The following SLC24A2 variants were observed in gnomAD, a reference collection of about 807,000 sequenced individuals.
SLC24A2 encodes the protein solute carrier family 24 member 2.
A neutral mutation model predicts 62.0 loss-of-function variants in SLC24A2; 36 were observed. The observed-to-expected ratio is 0.58, with a 90% CI of 0.44 to 0.77. The LOEUF (loss-of-function observed/expected upper bound fraction) is 0.77, where lower values mean the gene tolerates loss of function less well. SLC24A2 is among the 30% of genes least tolerant of loss of function. The pLI is 0.00. For missense variants in SLC24A2, 846 were observed against 817.9 expected (o/e 1.03, Z -0.42); for synonymous variants, 358 against 294.0 (o/e 1.22, Z -2.23).
intron 2 of SLC24A2, among the ~76,000 whole-genome samples, chr9:19,778,128 G>C (rs1344539141): frequency 6.6e-6 from 1 of 152,112 alleles, no homozygotes; most frequent in Non-Finnish European, 1.5e-5. Flanking sequence ...GAAATCTATA[G>C]TCTGAAATTT....
intron 2 of SLC24A2, among the ~76,000 whole-genome samples, chr9:19,755,318 T>C (rs557634781): frequency 6.6e-6 from 1 of 152,320 alleles, no homozygotes; most frequent in South Asian, 2.1e-4. Context: ...ACACTTCTAT[T>C]ATTGCAGTTA....
the SLC24A2 span, among the ~76,000 whole-genome samples, chr9:20,291,613 C>G: frequency 6.6e-6 from 1 of 152,174 alleles, no homozygotes; most frequent in Admixed American, 6.5e-5. Context: ...TATGATGACC[C>G]CCCACCACTT....
the SLC24A2 span, among the ~76,000 whole-genome samples, chr9:20,057,906 C>A: frequency 6.6e-6 from 1 of 152,174 alleles, no homozygotes; most frequent in Non-Finnish European, 1.5e-5. Flanking sequence ...ACTACATCAT[C>A]TGACTGCAGT....
the SLC24A2 span, among the ~76,000 whole-genome samples, chr9:20,045,117 G>A: frequency 0.014 from 2,104 of 152,188 alleles, 46 homozygotes; most frequent in African/African-American, 0.048. Flanking sequence ...TACATGGATC[G>A]TATAGATATA....
At chr9:20,225,041 C>A in the SLC24A2 span, among the ~76,000 whole-genome samples, 2 of 152,136 alleles carry the variant, frequency 1.3e-5, no homozygotes, top group South Asian at 4.1e-4. Flanking sequence ...GAGGAAACCA[C>A]ATCTTTGCTT....
chr9:19,666,623 G>C (rs1819261069), intron 2 of SLC24A2, among the ~76,000 whole-genome samples: 1 of 152,188 alleles, frequency 6.6e-6, no homozygotes. Context: ...CAGCAGTGTA[G>C]AGAGTATATA....
chr9:20,287,484 T>G, the SLC24A2 span, among the ~76,000 whole-genome samples: 3 of 152,176 alleles, frequency 2.0e-5, no homozygotes, highest in Non-Finnish European at 2.9e-5. Flanking sequence ...AGCTCTATTC[T>G]GATAACCACA....
At chr9:19,526,437 A>C (rs752041103) in intron 9 of SLC24A2, among the ~76,000 whole-genome samples, 3 of 152,202 alleles carry the variant, frequency 2.0e-5, no homozygotes, top group Non-Finnish European at 4.4e-5. Context: ...CTATTTCCCA[A>C]AGTGGCTGCA....
chr9:20,203,301 G>A, the SLC24A2 span, among the ~76,000 whole-genome samples: 5 of 152,086 alleles, frequency 3.3e-5, no homozygotes, highest in Non-Finnish European at 4.4e-5. Flanking sequence ...TGATCTTTTT[G>A]TGGTGGTGGC....
At chr9:20,057,866 A>G in the SLC24A2 span, among the ~76,000 whole-genome samples, 3 of 152,206 alleles carry the variant, frequency 2.0e-5, no homozygotes, top group Non-Finnish European at 4.4e-5. Context: ...TTACAAGGTC[A>G]AGTTGTAAGT....
At chr9:19,837,224 G>A in the SLC24A2 span, among the ~76,000 whole-genome samples, 19 of 151,250 alleles carry the variant, frequency 1.3e-4, no homozygotes, top group South Asian at 1.7e-3. Flanking sequence ...AGGCCGAGGC[G>A]GGTGGATCAT....
At chr9:20,191,050 A>G in the SLC24A2 span, among the ~76,000 whole-genome samples, 1 of 152,156 alleles carries the variant, frequency 6.6e-6, no homozygotes, top group Non-Finnish European at 1.5e-5. Context: ...TTGTGAATTG[A>G]CTTTGAAAGA....
chr9:19,679,221 C>T (rs1401187413), intron 2 of SLC24A2, among the ~76,000 whole-genome samples: 1 of 152,122 alleles, frequency 6.6e-6, no homozygotes, highest in Non-Finnish European at 1.5e-5. Context: ...GCAATAGTGT[C>T]TTTAGGTTTA....
At chr9:19,939,254 G>A in the SLC24A2 span, among the ~76,000 whole-genome samples, 1 of 152,200 alleles carries the variant, frequency 6.6e-6, no homozygotes, top group African/African-American at 2.4e-5. Context: ...GTCCTTAGGT[G>A]ATTTCATCAT....
the SLC24A2 span, among the ~76,000 whole-genome samples, chr9:19,992,954 C>T: frequency 1.3e-5 from 2 of 152,198 alleles, no homozygotes; most frequent in Admixed American, 1.3e-4. Context: ...TCTAGTGCCA[C>T]CATGGCTCAG....
chr9:20,076,649 T>C, the SLC24A2 span, among the ~76,000 whole-genome samples: 1 of 151,922 alleles, frequency 6.6e-6, no homozygotes, highest in South Asian at 2.1e-4. Flanking sequence ...CACTTTGTTG[T>C]GGGAGCCCTA....
rs1405600447 is a variant in SLC24A2, at chr9:19,773,597, A to G, written c.930+12340T>C. Among the ~76,000 whole-genome samples the G allele has an allele frequency of 2.0e-5, 3 of 152,192 alleles. No individual in the cohort carries two copies. In the East Asian group the frequency reaches 5.8e-4, roughly 29 times the overall value. On this transcript the variant is annotated intron_variant, in intron 2 of 10. Transcript: ENST00000341998. ...CTCAGACTTTTTATCATGAACACTC[A>G]TCATCACCACTATCAACTTCTTGAA...
At chr9:19,610,955 A>G (rs1028695794) in intron 4 of SLC24A2, among the ~76,000 whole-genome samples, 19 of 152,262 alleles carry the variant, frequency 1.2e-4, no homozygotes, top group Non-Finnish European at 2.2e-4. Context: ...TGGAGGAATA[A>G]GGGTAGAGAC....
the SLC24A2 span, among the ~76,000 whole-genome samples, chr9:19,945,886 C>G: frequency 6.6e-6 from 1 of 152,192 alleles, no homozygotes; most frequent in African/African-American, 2.4e-5. Flanking sequence ...CCAAAGGAGG[C>G]TGCCAAGTTC....
Sources: gnomAD v4.1 joint callset for allele counts (sites outside exome capture counted in the v4.1 genomes callset) on GRCh38, gnomAD v4.1.1 for gene constraint, MANE v1.5 for transcripts, NCBI Gene and HGNC (gene_info 2026-07-23, HGNC 2026-07-21) for gene names.